Variants in CAMKMT observed in about 807,000 individuals in gnomAD.
CAMKMT encodes calmodulin-lysine N-methyltransferase, also known as CaM KMT.
A neutral mutation model predicts 48.0 loss-of-function variants in CAMKMT; 53 were observed. The observed-to-expected ratio is 1.10, with a 90% confidence interval of 0.89 to 1.39. The LOEUF (loss-of-function observed/expected upper bound fraction) is 1.39, where lower values mean the gene tolerates loss of function less well. CAMKMT is among the 40% of genes most tolerant of loss of function. The probability of loss-of-function intolerance (pLI) is 0.00; values close to 1 mark genes in which losing one functional copy is unlikely to be tolerated. For synonymous variants in CAMKMT, 165 were observed against 152.3 expected (o/e 1.08, Z -0.61); for missense variants, 428 against 402.7 (o/e 1.06, Z -0.54).
chr2:44,480,045 G>T (rs558688970), intron 3 of CAMKMT, among the ~76,000 whole-genome samples: 1 of 152,170 alleles, frequency 6.6e-6, no homozygotes, highest in East Asian at 1.9e-4. Flanking sequence ...TGCTATACAA[G>T]CATAATTTTC....
chr2:44,363,344 G>A (rs931332803), intron 1 of CAMKMT, among the ~76,000 whole-genome samples: 12 of 151,908 alleles, frequency 7.9e-5, no homozygotes, highest in Non-Finnish European at 1.8e-4. Context: ...GAGATCTGGC[G>A]TGAGCTGGGG....
At chr2:44,436,658 C>T (rs1666278589) in intron 3 of CAMKMT, among the ~76,000 whole-genome samples, 1 of 151,820 alleles carries the variant, frequency 6.6e-6, no homozygotes. Context: ...CCAGATTTGA[C>T]CAAAAGTACT....
intron 3 of CAMKMT, among the ~76,000 whole-genome samples, chr2:44,646,305 G>T (rs1572987270): frequency 6.6e-6 from 1 of 151,542 alleles, no homozygotes; most frequent in South Asian, 2.1e-4. Flanking sequence ...TAGAAATCTT[G>T]TTTGTTTTTG....
rs979580780 is a variant in CAMKMT, at chr2:44,739,113, G to C, written c.624-4509G>C. ...GTTTTCAGGTCATTGTAAAGACTTTGGCTTTTGCTCTGAGTGAAGAGAGAA... is the reference window on the plus strand; with the variant it reads ...GTTTTCAGGTCATTGTAAAGACTTTCGCTTTTGCTCTGAGTGAAGAGAGAA... On this transcript the variant is annotated intron_variant, in intron 7 of 10. Coordinates refer to ENST00000378494, the MANE Select transcript of CAMKMT (RefSeq NM_024766.5). Among the ~76,000 whole-genome samples the C allele has an allele frequency of 2.0e-5, 3 of 152,178 alleles. No individual in the cohort carries two copies. The East Asian group carries it at 5.8e-4, about 29-fold the overall frequency.
chr2:44,700,531 A>T (rs1677200033), intron 3 of CAMKMT, among the ~76,000 whole-genome samples: 1 of 152,078 alleles, frequency 6.6e-6, no homozygotes, highest in Non-Finnish European at 1.5e-5. Flanking sequence ...TAAGTTTATT[A>T]ATTAGCCTAA....
intron 3 of CAMKMT, among the ~76,000 whole-genome samples, chr2:44,474,713 C>T (rs1014281503): frequency 1.3e-5 from 2 of 152,170 alleles, no homozygotes; most frequent in East Asian, 1.9e-4. Context: ...CCTGACCTTC[C>T]TCACTATGCC....
chr2:44,609,698 A>T (rs1671492387), intron 3 of CAMKMT, among the ~76,000 whole-genome samples: 1 of 152,176 alleles, frequency 6.6e-6, no homozygotes, highest in South Asian at 2.1e-4. Flanking sequence ...TGATGAACTC[A>T]TTCTCTCCTC....
intron 3 of CAMKMT, among the ~76,000 whole-genome samples, chr2:44,658,323 A>G (rs769005847): frequency 1.4e-4 from 22 of 152,188 alleles, no homozygotes; most frequent in Non-Finnish European, 2.2e-4. Flanking sequence ...GGTAGTTGAT[A>G]TTACTTATGA....
chr2:44,623,409 A>T (rs563226416), intron 3 of CAMKMT, among the ~76,000 whole-genome samples: 1 of 152,196 alleles, frequency 6.6e-6, no homozygotes, highest in East Asian at 1.9e-4. Flanking sequence ...CAAGGCTGAT[A>T]CAGAGGAGGG....
At chr2:44,702,660 C>T (rs1228387496) in intron 3 of CAMKMT, among the ~76,000 whole-genome samples, 1 of 152,212 alleles carries the variant, frequency 6.6e-6, no homozygotes, top group African/African-American at 2.4e-5. Context: ...CCACATTCCA[C>T]TGCCTCTCTT....
At chr2:44,414,700 G>C (rs1683431550) in intron 3 of CAMKMT, among the ~76,000 whole-genome samples, 1 of 152,178 alleles carries the variant, frequency 6.6e-6, no homozygotes, top group African/African-American at 2.4e-5. Context: ...GAAATATGAA[G>C]ATGCAAAGAT....
At chr2:44,397,579 T>G (rs2104435708) in intron 3 of CAMKMT, among the ~76,000 whole-genome samples, 1 of 152,194 alleles carries the variant, frequency 6.6e-6, no homozygotes, top group Non-Finnish European at 1.5e-5. Flanking sequence ...GGTTTTTTCT[T>G]TTGGCTCAAA....
At chr2:44,527,847 C>A (rs1243708864) in intron 3 of CAMKMT, among the ~76,000 whole-genome samples, 4 of 134,810 alleles carry the variant, frequency 3.0e-5, no homozygotes, top group Non-Finnish European at 4.6e-5. Flanking sequence ...GATGAACCTA[C>A]CTTGACACAT....
intron 3 of CAMKMT, among the ~76,000 whole-genome samples, chr2:44,665,288 C>G (rs1340443670): frequency 4.6e-5 from 7 of 152,134 alleles, no homozygotes; most frequent in Admixed American, 4.6e-4. Context: ...CCATGTTGGT[C>G]TTGAACCCCT....
intron 3 of CAMKMT, among the ~76,000 whole-genome samples, chr2:44,436,154 C>A (rs542904646): frequency 6.6e-6 from 1 of 152,284 alleles, no homozygotes; most frequent in East Asian, 1.9e-4. Flanking sequence ...CAGCTCACTG[C>A]AACCTCCACC....
At chr2:44,590,411 T>C (rs1226958369) in intron 3 of CAMKMT, among the ~76,000 whole-genome samples, 1 of 152,210 alleles carries the variant, frequency 6.6e-6, no homozygotes, top group Non-Finnish European at 1.5e-5. Flanking sequence ...GGGAAAGTTT[T>C]TAAACTACAA....
At chr2:44,420,434 T>G (rs1035156365) in intron 3 of CAMKMT, among the ~76,000 whole-genome samples, 1 of 152,182 alleles carries the variant, frequency 6.6e-6, no homozygotes, top group African/African-American at 2.4e-5. Flanking sequence ...TTAGGAGTGC[T>G]GACTCCTCCC....
chr2:44,578,712 T>C (rs999604401), intron 3 of CAMKMT, among the ~76,000 whole-genome samples: 2 of 152,164 alleles, frequency 1.3e-5, no homozygotes, highest in African/African-American at 2.4e-5. Context: ...TGAGGAGATA[T>C]CTTAGGGTTG....
intron 3 of CAMKMT, among the ~76,000 whole-genome samples, chr2:44,586,273 A>G (rs891160845): frequency 6.6e-6 from 1 of 152,190 alleles, no homozygotes; most frequent in South Asian, 2.1e-4. Context: ...TTGATTTGCT[A>G]TACATTGCAC....
Sources: allele counts gnomAD v4.1 joint callset (sites outside exome capture counted in the v4.1 genomes callset), GRCh38; gene constraint gnomAD v4.1.1; transcripts MANE v1.5; gene names NCBI Gene and HGNC (gene_info 2026-07-23, HGNC 2026-07-21).